JAKMIP3: variants seen among roughly 807,000 people sequenced by gnomAD.
JAKMIP3 encodes janus kinase and microtubule-interacting protein 3.
JAKMIP3 carries 58 observed loss-of-function variants against 118.5 expected under a neutral mutation model. The observed-to-expected ratio is 0.49, with a 90% CI of 0.40 to 0.61. The LOEUF (loss-of-function observed/expected upper bound fraction) is 0.61. Ranked by LOEUF, JAKMIP3 falls within the 20% of genes least tolerant of loss-of-function variation. The pLI is 0.00. For missense variants in JAKMIP3, 950 were observed against 1,109.0 expected (o/e 0.86, Z 2.04); for synonymous variants, 486 against 451.2 (o/e 1.08, Z -0.98).
Position 132,153,843 on chromosome 10 carries a change from A to C in JAKMIP3, c.2142+16A>C. 5.0e-6 allele frequency: 8 copies of C among 1,612,956 alleles called. No homozygotes were observed. The highest frequency in any genetic ancestry group is 6.8e-6 in the Non-Finnish European group (8 of 1,179,646). On this transcript the variant is annotated intron_variant, in intron 18 of 23. Coordinates refer to ENST00000684848, the MANE Select transcript of JAKMIP3 (RefSeq NM_001323087.2). ...GAGCGAGAAGGTTGGTGGCACCTTC[A>C]CCGAGGTTCTGCGGCTCGGTGCTGC...
chr10:132,172,413 G>T (rs2059581100), intron 23 of JAKMIP3, among the ~76,000 whole-genome samples: 1 of 152,004 alleles, frequency 6.6e-6, no homozygotes, highest in African/African-American at 2.4e-5. Flanking sequence ...GATTCGCCGA[G>T]ACTGAAAACA....
At chr10:132,123,868 A>AG (rs2049009470) in intron 3 of JAKMIP3, among the ~76,000 whole-genome samples, 1 of 152,122 alleles carries the variant, frequency 6.6e-6, no homozygotes, top group African/African-American at 2.4e-5. Flanking sequence ...GCAAATGATG[A>AG]GGGGGTCCCT....
At position 132,117,181 on chromosome 10, in the gene JAKMIP3, C is replaced by T. The variant is rs762782306; in HGVS notation, c.240C>T (p.His80=). Residue 80 remains histidine (H), a synonymous_variant, in exon 3 of 24, where the codon CAC becomes CAT. Transcript: ENST00000684848. This position sits in a 1 kb window ranked among gnomAD's most constrained non-coding sequence, Gnocchi z 8.6. ...TCACGGAGCTCAAGACAAAGCTGCA[C>T]GAGGAGAAGATGAAGGAGCTACAGG... is the stretch of plus-strand genomic sequence containing the variant. ...VLLTELKTKL[H]EEKMKELQAV... 13 of 1,613,884 alleles carry T rather than the reference C, an allele frequency of 8.1e-6. No homozygotes were observed. Among genetic ancestry groups the T allele is most frequent in the Non-Finnish European group, 1.1e-5 (13 of 1,179,914 alleles).
At chr10:132,134,572 G>A (rs977552883) in intron 4 of JAKMIP3, among the ~76,000 whole-genome samples, 15 of 152,260 alleles carry the variant, frequency 9.9e-5, no homozygotes, top group South Asian at 4.1e-4. Context: ...TGTCTTTCCC[G>A]TGCTCATGTC....
intron 20 of JAKMIP3, 136 bp from the exon 21 acceptor site, chr10:132,164,534 G>A (rs182047243): frequency 6.0e-5 from 39 of 649,692 alleles, no homozygotes; most frequent in South Asian, 5.1e-4. Flanking sequence ...TTGTGTCCTC[G>A]TCAGGAGCCA....
chr10:132,048,011 T>C (rs1380060702), intron 1 of JAKMIP3, among the ~76,000 whole-genome samples: 2 of 152,256 alleles, frequency 1.3e-5, no homozygotes, highest in Non-Finnish European at 2.9e-5. Context: ...TGAAGACTTC[T>C]CGTCTGTTAT....
Position 132,168,521 on chromosome 10 carries a change from A to G in JAKMIP3, c.*591A>G, listed in dbSNP as rs2059168859. 1.7e-6 allele frequency: 1 copy of G among 572,828 alleles called. No homozygotes were observed. The highest frequency in any genetic ancestry group is 2.0e-5 in the African/African-American group (1 of 50,558). The allele number at this position is 572,828 out of a possible 1,614,324, so 35.5% of individuals were successfully genotyped here. On this transcript the variant is annotated 3_prime_UTR_variant, in exon 23 of 24. Coordinates refer to ENST00000684848, the MANE Select transcript of JAKMIP3 (RefSeq NM_001323087.2). ...GCTGCAATATGTTGCTGGGGTCCTG[A>G]GCACCCGCTGGCCAACAGACCCCAC...
intron 1 of JAKMIP3, among the ~76,000 whole-genome samples, chr10:132,093,932 T>G: frequency 3.3e-5 from 1 of 30,564 alleles, no homozygotes; most frequent in African/African-American, 6.2e-4. Context: ...CTTGTATCTA[T>G]TTTTTTTTTT....
At chr10:132,072,467 C>G (rs550006011) in intron 1 of JAKMIP3, among the ~76,000 whole-genome samples, 1 of 152,132 alleles carries the variant, frequency 6.6e-6, no homozygotes, top group South Asian at 2.1e-4. Context: ...CCCAGGAGTT[C>G]AAGGCTGCAG....
chr10:132,147,889 C>T (rs1564962280), intron 13 of JAKMIP3, 63 bp from the exon 14 acceptor site: 1 of 1,227,750 alleles, frequency 8.1e-7, no homozygotes, highest in Non-Finnish European at 1.2e-6. Flanking sequence ...CTGGAGTTGA[C>T]CTCCCAAGAC....
intron 19 of JAKMIP3, among the ~76,000 whole-genome samples, chr10:132,161,112 A>C (rs1407849554): frequency 1.5e-4 from 5 of 32,312 alleles, no homozygotes; most frequent in East Asian, 1.1e-3. Context: ...GGGGGGGTCT[A>C]TTCCTGTGTC....
intron 21 of JAKMIP3, 98 bp downstream of exon 21, chr10:132,164,833 C>A: frequency 1.2e-6 from 1 of 812,106 alleles, no homozygotes; most frequent in Non-Finnish European, 2.1e-6. Flanking sequence ...GCCGTTGGGG[C>A]AGCAGACTTC....
chr10:132,111,910 G>C (rs567211323), intron 2 of JAKMIP3, among the ~76,000 whole-genome samples: 1 of 152,280 alleles, frequency 6.6e-6, no homozygotes, highest in Non-Finnish European at 1.5e-5. Flanking sequence ...GGTGGCAGCC[G>C]TGGAGGGGCA....
At chr10:132,125,526 C>G (rs2049372251) in intron 3 of JAKMIP3, among the ~76,000 whole-genome samples, 1 of 152,250 alleles carries the variant, frequency 6.6e-6, no homozygotes, top group Non-Finnish European at 1.5e-5. Context: ...CCTTCTTTCC[C>G]TTCTTCAAGA....
In JAKMIP3 at chr10:132,140,476, G is replaced by C; in HGVS notation, c.1370G>C (p.Gly457Ala). The C allele has an allele frequency of 6.2e-7, 1 of 1,613,874 alleles. No homozygotes were observed. Among genetic ancestry groups the C allele is most frequent in the African/African-American group, 1.3e-5 (1 of 75,060 alleles). Residue 457 changes from glycine (G) to alanine (A), a missense_variant, in exon 10 of 24, where the codon GGA becomes GCA. By Grantham distance (60) the Gly-to-Ala change is moderately conservative (BLOSUM62 0). Coordinates refer to ENST00000684848, the MANE Select transcript of JAKMIP3 (RefSeq NM_001323087.2). ...CCGGTGGTTGTGGAGACCTTCTTTG[G>C]ATACGACGAAGAGGCTTCCCTGGAA... ...PKPVVVETFF[G>A]YDEEASLESD...
At chr10:132,069,162 A>C (rs1462011537) in intron 1 of JAKMIP3, among the ~76,000 whole-genome samples, 1 of 151,934 alleles carries the variant, frequency 6.6e-6, no homozygotes, top group Non-Finnish European at 1.5e-5. Flanking sequence ...CCAGACATCC[A>C]CCTGCCTGGT....
At chr10:132,098,734 G>C (rs975254045) in intron 1 of JAKMIP3, among the ~76,000 whole-genome samples, 1 of 152,184 alleles carries the variant, frequency 6.6e-6, no homozygotes, top group Non-Finnish European at 1.5e-5. Context: ...GGTCTTTACC[G>C]TGACCTCTGG....
chr10:132,086,109 T>C (rs1001668868), intron 1 of JAKMIP3, among the ~76,000 whole-genome samples: 2 of 152,200 alleles, frequency 1.3e-5, no homozygotes, highest in African/African-American at 2.4e-5. Context: ...CTTGATTTCA[T>C]TGTTGACCCG....
chr10:132,163,101 C>A, intron 19 of JAKMIP3, 108 bp from the exon 20 acceptor site: 1 of 1,100,238 alleles, frequency 9.1e-7, no homozygotes, highest in Non-Finnish European at 1.3e-6. Flanking sequence ...GTTGCATATC[C>A]TCTTGGCCCT....
Sources: gnomAD v4.1 joint callset for allele counts (sites outside exome capture counted in the v4.1 genomes callset) on GRCh38, gnomAD v4.1.1 for gene constraint, Gnocchi (gnomAD v3.1) non-coding constraint, MANE v1.5 for transcripts, NCBI Gene and HGNC (gene_info 2026-07-23, HGNC 2026-07-21) for gene names.